Variants in CENPS observed in about 807,000 individuals in gnomAD.
The protein encoded by CENPS is centromere protein S.
In CENPS, 16 loss-of-function variants were observed where a neutral mutation model predicts 17.9. The ratio of observed to expected loss-of-function variants is 0.90; its 90% confidence interval spans 0.61 to 1.36. The LOEUF (loss-of-function observed/expected upper bound fraction) is 1.36. Among genes scored for constraint, CENPS ranks in the 40% most tolerant of loss-of-function variants. The pLI, the probability that CENPS is intolerant of heterozygous loss-of-function variation, is 0.00. For synonymous variants in CENPS, 49 were observed against 55.8 expected (o/e 0.88, Z 0.54); for missense variants, 160 against 158.6 (o/e 1.01, Z -0.05).
intron 1 of CENPS, among the ~76,000 whole-genome samples, chr1:10,432,904 G>A (rs1236052975): frequency 6.6e-6 from 1 of 152,164 alleles, no homozygotes; most frequent in African/African-American, 2.4e-5. Context: ...TCTCCTACCA[G>A]AGGCCTCAGC....
At chr1:10,438,029 T>A (rs1402987944) in intron 3 of CENPS, among the ~76,000 whole-genome samples, 1 of 152,254 alleles carries the variant, frequency 6.6e-6, no homozygotes, top group East Asian at 1.9e-4. Flanking sequence ...CCCAAAGTGC[T>A]GGGATTACAG....
At chr1:10,440,280 T>A (rs117454226) in intron 3 of CENPS, 67 bp from the exon 4 acceptor site, 25,798 of 1,586,292 alleles carry the variant, frequency 0.016, 682 homozygotes, top group Admixed American at 0.11. Context: ...ACCGTGAACT[T>A]CTGTGTTTCA....
At position 10,430,547 on chromosome 1, in the gene CENPS, GCAGCGATTCTCTTACCAA is replaced by G; in HGVS notation, c.34_51del (p.Phe13_Arg18del). ...AGGAGGAGGCGGAGACCGAGGAGCA[GCAGCGATTCTCTTACCAA>G]CAGGTACAGGAAAACGGGGGTCGGG... is the stretch of plus-strand genomic sequence containing the variant. On this transcript the variant is annotated inframe_deletion, in exon 1 of 5. Transcript: ENST00000309048. 6.5e-7 allele frequency: 1 copy of G among 1,535,360 alleles called. No homozygotes were observed. The highest frequency in any genetic ancestry group is 8.8e-7 in the Non-Finnish European group (1 of 1,141,500).
chr1:10,430,762 T>C, intron 1 of CENPS, 194 bp downstream of exon 1: 3 of 1,393,784 alleles, frequency 2.2e-6, no homozygotes. Flanking sequence ...GGCTGGACCC[T>C]GGCCTGCGCT....
chr1:10,438,355 G>A (rs1160240264), intron 3 of CENPS, among the ~76,000 whole-genome samples: 1 of 152,126 alleles, frequency 6.6e-6, no homozygotes, highest in Non-Finnish European at 1.5e-5. Context: ...GTGTTGGCCA[G>A]TCTGGCCTCG....
chr1:10,436,820 C>G (rs1016096374), intron 3 of CENPS, among the ~76,000 whole-genome samples: 8 of 152,094 alleles, frequency 5.3e-5, no homozygotes, highest in Admixed American at 1.3e-4. Context: ...GGGGTGCAGC[C>G]AGAGGCAGGG....
At chr1:10,437,111 G>A (rs1640199761) in intron 3 of CENPS, among the ~76,000 whole-genome samples, 2 of 152,086 alleles carry the variant, frequency 1.3e-5, no homozygotes, top group Non-Finnish European at 2.9e-5. Flanking sequence ...AACCTAATGA[G>A]TATTCGTAAC....
intron 4 of CENPS, among the ~76,000 whole-genome samples, chr1:10,441,279 C>T (rs1415758958): frequency 6.8e-6 from 1 of 146,942 alleles, no homozygotes; most frequent in African/African-American, 2.5e-5. Flanking sequence ...GCCTTGGTTT[C>T]CCTATATGCC....
chr1:10,434,463 G>A (rs561745667), intron 2 of CENPS, among the ~76,000 whole-genome samples, 194 bp from the exon 3 acceptor site: 9 of 152,324 alleles, frequency 5.9e-5, no homozygotes, highest in African/African-American at 2.2e-4. Flanking sequence ...AGGACAAGGA[G>A]ATCGTCATGA....
intron 3 of CENPS, among the ~76,000 whole-genome samples, chr1:10,437,758 ATTTTTTTT>A (rs59257602): frequency 0.2 from 25,056 of 122,950 alleles, 2,203 homozygotes; most frequent in Middle Eastern, 0.27. Flanking sequence ...TGCCTGGCCA[ATTTTTTTT>A]TTTTTTTTTT....
intron 4 of CENPS, among the ~76,000 whole-genome samples, chr1:10,441,030 TTCTC>T (rs947957638): frequency 1.3e-5 from 2 of 152,216 alleles, no homozygotes; most frequent in African/African-American, 4.8e-5. Flanking sequence ...TGTCTCTTTG[TTCTC>T]TCTCCATCTG....
chr1:10,438,626 CTAGAG>C (rs1640279028), intron 3 of CENPS, among the ~76,000 whole-genome samples: 1 of 152,066 alleles, frequency 6.6e-6, no homozygotes, highest in Non-Finnish European at 1.5e-5. Flanking sequence ...TTTTCCCTAG[CTAGAG>C]TAATTTTCTG....
At chr1:10,440,000 G>A (rs1022963280) in intron 3 of CENPS, 2 of 279,936 alleles carry the variant, frequency 7.1e-6, no homozygotes, top group Admixed American at 5.2e-5. Flanking sequence ...CACTAGAGTT[G>A]TACACTGACC....
Position 10,442,499 on chromosome 1 carries a change from G to C in CENPS, c.*94G>C. 4.4e-6 allele frequency: 6 copies of C among 1,372,546 alleles called. No homozygotes were observed. The highest frequency in any genetic ancestry group is 4.7e-6 in the Non-Finnish European group (5 of 1,059,700). The allele number at this position is 1,372,546 out of a possible 1,614,324, so 85.0% of individuals were successfully genotyped here. A position where few individuals can be genotyped will look rare whatever the true frequency, so the allele number is the denominator to read the frequency against. ...AGGAAACTTTGAAGGGTTAAATAGA[G>C]ATTTAAAAAAATAAAATAAAAAGGC... On this transcript the variant is annotated 3_prime_UTR_variant, in exon 5 of 5. Transcript: ENST00000309048.
intron 1 of CENPS, 75 bp downstream of exon 1, chr1:10,430,643 C>G: frequency 6.8e-7 from 1 of 1,478,150 alleles, no homozygotes; most frequent in Admixed American, 2.4e-5. Context: ...TACCCGGCAG[C>G]CCCCGGCGGC....
At chr1:10,430,712 T>A in intron 1 of CENPS, 144 bp downstream of exon 1, 1 of 1,294,036 alleles carries the variant, frequency 7.7e-7, no homozygotes, top group Non-Finnish European at 9.7e-7. Flanking sequence ...TTGGCTTAAC[T>A]GCCGCGGGTG....
chr1:10,442,483 T>A lies in CENPS; in HGVS notation c.*78T>A. 6.9e-7 allele frequency: 1 copy of A among 1,440,722 alleles called. No homozygotes were observed. The highest frequency in any genetic ancestry group is 9.1e-7 in the Non-Finnish European group (1 of 1,099,200). The allele number at this position is 1,440,722 out of a possible 1,614,324, so 89.2% of individuals were successfully genotyped here. A position where few individuals can be genotyped will look rare whatever the true frequency, so the allele number is the denominator to read the frequency against. On this transcript the variant is annotated 3_prime_UTR_variant, in exon 5 of 5. Transcript: ENST00000309048. Reference sequence around the variant, plus strand: ...ATGCATATGGCTGCAAAGGAAACTTTGAAGGGTTAAATAGAGATTTAAAAA... The same window carrying A: ...ATGCATATGGCTGCAAAGGAAACTTAGAAGGGTTAAATAGAGATTTAAAAA...
At position 10,430,649 on chromosome 1, in the gene CENPS, G is replaced by A. The variant is rs1334353466; in HGVS notation, c.51+81G>A. Reference sequence around the variant, plus strand: ...ACAGAAAAGTACCCGGCAGCCCCCGGCGGCTTCTCATCGGCACCCCGCCCC... The same window carrying A: ...ACAGAAAAGTACCCGGCAGCCCCCGACGGCTTCTCATCGGCACCCCGCCCC... On this transcript the variant is annotated intron_variant, in intron 1 of 4. Transcript: ENST00000309048. The A allele has an allele frequency of 3.9e-5, 57 of 1,477,870 alleles. No homozygotes were observed. In the Middle Eastern group the frequency reaches 1.7e-3, roughly 44 times the overall value. The allele number at this position is 1,477,870 out of a possible 1,614,324, so 91.5% of individuals were successfully genotyped here. A position where few individuals can be genotyped will look rare whatever the true frequency, so the allele number is the denominator to read the frequency against.
chr1:10,436,818 G>T (rs1349105853), intron 3 of CENPS, among the ~76,000 whole-genome samples: 1 of 152,108 alleles, frequency 6.6e-6, no homozygotes, highest in Non-Finnish European at 1.5e-5. Flanking sequence ...CTGGGGTGCA[G>T]CCAGAGGCAG....
Sources: gnomAD v4.1 joint callset for allele counts (sites outside exome capture counted in the v4.1 genomes callset) on GRCh38, gnomAD v4.1.1 for gene constraint, MANE v1.5 for transcripts, NCBI Gene and HGNC (gene_info 2026-07-23, HGNC 2026-07-21) for gene names.